The following NUDT3 variants were observed in gnomAD, a reference collection of about 807,000 sequenced individuals.
The protein encoded by NUDT3 is diphosphoinositol polyphosphate phosphohydrolase 1.
In NUDT3, 9 loss-of-function variants were observed where a neutral mutation model predicts 23.6. That is an observed-to-expected ratio of 0.38 (90% confidence interval 0.23 to 0.66). NUDT3 has a LOEUF of 0.66. Ranked by LOEUF, NUDT3 falls within the 30% of genes least tolerant of loss-of-function variation. The probability of loss-of-function intolerance (pLI) is 0.52; values close to 1 mark genes in which losing one functional copy is unlikely to be tolerated. For synonymous variants in NUDT3, 86 were observed against 82.6 expected (o/e 1.04, Z -0.22); for missense variants, 172 against 218.5 (o/e 0.79, Z 1.34).
intron 2 of NUDT3, among the ~76,000 whole-genome samples, chr6:34,327,055 G>A (rs758724299): frequency 1.1e-4 from 17 of 151,768 alleles, no homozygotes; most frequent in Non-Finnish European, 1.8e-4. Flanking sequence ...CTGAATGGCT[G>A]GGTGCACTGA....
chr6:34,358,291 A>ACACACC lies in NUDT3; in HGVS notation c.100-16320_100-16319insGGTGTG, dbSNP rs1305207158. Reference sequence around the variant, plus strand: ...CACACACACACACACACACACACACACCCCTTATAATTTCTACAGGAATCA... The same window carrying ACACACC: ...CACACACACACACACACACACACACACACACCCCCCTTATAATTTCTACAGGAATCA... On this transcript the variant is annotated intron_variant, in intron 1 of 4. Coordinates refer to ENST00000607016, the MANE Select transcript of NUDT3 (RefSeq NM_006703.4). Among the ~76,000 whole-genome samples the ACACACC allele has an allele frequency of 3.5e-4, 53 of 150,080 alleles. No individual in the cohort carries two copies. In the East Asian group the frequency reaches 7.5e-3, roughly 21 times the overall value.
At chr6:34,300,882 C>T (rs1763588097) in intron 2 of NUDT3, among the ~76,000 whole-genome samples, 1 of 152,222 alleles carries the variant, frequency 6.6e-6, no homozygotes. Flanking sequence ...CAAGAGACAA[C>T]TACTCACCTG....
intron 2 of NUDT3, among the ~76,000 whole-genome samples, chr6:34,319,006 T>C (rs1015504607): frequency 4.0e-5 from 6 of 150,354 alleles, no homozygotes; most frequent in African/African-American, 7.4e-5. Context: ...AGAGGAGAGA[T>C]AGGGCTTTTC....
At chr6:34,291,990 T>G (rs1763429963) in intron 4 of NUDT3, among the ~76,000 whole-genome samples, 1 of 152,156 alleles carries the variant, frequency 6.6e-6, no homozygotes, top group African/African-American at 2.4e-5. Flanking sequence ...ATTATTTCAT[T>G]AGGGTCAATT....
At chr6:34,360,045 T>C (rs1207687611) in intron 1 of NUDT3, among the ~76,000 whole-genome samples, 2 of 150,942 alleles carry the variant, frequency 1.3e-5, no homozygotes, top group South Asian at 4.2e-4. Flanking sequence ...CCTGACAAAA[T>C]AGAAAAACCC....
intron 2 of NUDT3, among the ~76,000 whole-genome samples, chr6:34,313,655 A>C (rs1278751927): frequency 6.6e-6 from 1 of 151,830 alleles, no homozygotes; most frequent in African/African-American, 2.4e-5. Context: ...TGTGAATCTA[A>C]AACGGCTTAA....
At chr6:34,298,843 T>C (rs979200452) in intron 2 of NUDT3, among the ~76,000 whole-genome samples, 3 of 152,218 alleles carry the variant, frequency 2.0e-5, no homozygotes, top group African/African-American at 7.2e-5. Context: ...AATAATTCTA[T>C]AGTATAAAGC....
At position 34,329,165 on chromosome 6, in the gene NUDT3, T is replaced by C. The variant is rs183583087; in HGVS notation, c.210+12697A>G. On this transcript the variant is annotated intron_variant, in intron 2 of 4. Transcript: ENST00000607016. ...TGTTAGAGACTGTTCTGAGATACCA[T>C]ATGGAGCCTTCTGGTTGCTCTGTGT... Among the ~76,000 whole-genome samples, 512 of 152,312 alleles carry C rather than the reference T, an allele frequency of 3.4e-3. 3 individuals are homozygous for C. The highest frequency in any genetic ancestry group is 7.5e-3 in the African/African-American group (310 of 41,572).
rs1763330462 is a variant in NUDT3, at chr6:34,286,082, T to TTTTCTTATTTATTATTTATTA, written c.*2670_*2671insTAATAAATAATAAATAAGAAA. ...CTGTTAGCACTGCAGTTCCGTTTTA[T>TTTTCTTATTTATTATTTATTA]TTTCTTATTTATTTATTAAGACAGA... On this transcript the variant is annotated 3_prime_UTR_variant, in exon 5 of 5. Transcript: ENST00000607016. The TTTTCTTATTTATTATTTATTA allele has an allele frequency of 6.6e-6, 1 of 152,156 alleles. No homozygotes were observed. Among genetic ancestry groups the TTTTCTTATTTATTATTTATTA allele is most frequent in the Non-Finnish European group, 1.5e-5 (1 of 68,036 alleles). 9.4% of individuals were successfully genotyped at this position (152,156 alleles called of 1,614,324 possible).
intron 4 of NUDT3, among the ~76,000 whole-genome samples, chr6:34,291,684 G>A (rs1763424796): frequency 6.6e-6 from 1 of 151,856 alleles, no homozygotes; most frequent in South Asian, 2.1e-4. Context: ...TGTATTTTTA[G>A]TAGAGATGGG....
At chr6:34,332,697 G>A (rs1240627874) in intron 2 of NUDT3, among the ~76,000 whole-genome samples, 2 of 152,176 alleles carry the variant, frequency 1.3e-5, no homozygotes, top group African/African-American at 4.8e-5. Flanking sequence ...CTTTATATAA[G>A]GCGCTTGAGC....
intron 1 of NUDT3, among the ~76,000 whole-genome samples, chr6:34,349,192 T>C (rs2113741229): frequency 6.6e-6 from 1 of 152,266 alleles, no homozygotes; most frequent in Non-Finnish European, 1.5e-5. Flanking sequence ...AAGGTTACTT[T>C]GACATATGTT....
At chr6:34,350,562 G>C (rs968676578) in intron 1 of NUDT3, among the ~76,000 whole-genome samples, 3 of 150,986 alleles carry the variant, frequency 2.0e-5, no homozygotes, top group Non-Finnish European at 4.4e-5. Context: ...TAAAAGATGA[G>C]TAAAGCTGAG....
chr6:34,354,062 C>T (rs931550814), intron 1 of NUDT3, among the ~76,000 whole-genome samples: 1 of 151,840 alleles, frequency 6.6e-6, no homozygotes, highest in Non-Finnish European at 1.5e-5. Flanking sequence ...GGAATACAGG[C>T]ACCCACCATC....
At chr6:34,340,023 C>T (rs908831602) in intron 2 of NUDT3, among the ~76,000 whole-genome samples, 13 of 152,082 alleles carry the variant, frequency 8.5e-5, no homozygotes, top group Admixed American at 7.9e-4. Flanking sequence ...TCTGAAACAC[C>T]GACATAAAGA....
intron 2 of NUDT3, among the ~76,000 whole-genome samples, chr6:34,317,159 ATGGGGAAGACTGCTGGCGAAGCAGGTT>A (rs1187811831): frequency 2.6e-5 from 4 of 152,148 alleles, no homozygotes; most frequent in African/African-American, 9.7e-5. Context: ...CACTACTGAG[ATGGGGAAGACTGCTGGCGAAGCAGGTT>A]TGGGGGAAGG....
At chr6:34,306,161 T>C (rs1763675728) in intron 2 of NUDT3, among the ~76,000 whole-genome samples, 1 of 152,228 alleles carries the variant, frequency 6.6e-6, no homozygotes. Flanking sequence ...AAGTCTTCAA[T>C]ATGGCTATTG....
chr6:34,368,151 A>T (rs567354185), intron 1 of NUDT3, among the ~76,000 whole-genome samples: 1 of 152,348 alleles, frequency 6.6e-6, no homozygotes, highest in South Asian at 2.1e-4. Context: ...CAGTGAGCTG[A>T]GATCGTGCCA....
chr6:34,382,983 T>G (rs911126749), intron 1 of NUDT3, among the ~76,000 whole-genome samples: 3 of 150,194 alleles, frequency 2.0e-5, no homozygotes, highest in Non-Finnish European at 4.4e-5. Flanking sequence ...AAAAATTAGC[T>G]GGGTGCGGTG....
Sources: allele counts gnomAD v4.1 joint callset (sites outside exome capture counted in the v4.1 genomes callset), GRCh38; gene constraint gnomAD v4.1.1; transcripts MANE v1.5; gene names NCBI Gene and HGNC (gene_info 2026-07-23, HGNC 2026-07-21).